Variants in LRRC7 observed in about 807,000 individuals in gnomAD.
LRRC7 encodes leucine rich repeat containing 7.
A neutral mutation model predicts 175.7 loss-of-function variants in LRRC7; 23 were observed. The observed-to-expected ratio is 0.13, with a 90% CI of 0.09 to 0.19. LRRC7 has a LOEUF of 0.19. Among genes scored for constraint, LRRC7 ranks in the 10% least tolerant of loss-of-function variants. The pLI is 1.00. For synonymous variants in LRRC7, 685 were observed against 680.9 expected (o/e 1.01, Z -0.09); for missense variants, 1,354 against 1,904.7 (o/e 0.71, Z 5.38).
intron 8 of LRRC7, among the ~76,000 whole-genome samples, chr1:69,935,301 T>C (rs1647886830): frequency 6.6e-6 from 1 of 152,166 alleles, no homozygotes; most frequent in Non-Finnish European, 1.5e-5. Flanking sequence ...TCCTGTGCTA[T>C]TCAAGCAGGT....
At chr1:69,904,210 C>A (rs1298797012) in intron 7 of LRRC7, among the ~76,000 whole-genome samples, 1 of 152,018 alleles carries the variant, frequency 6.6e-6, no homozygotes, top group Non-Finnish European at 1.5e-5. Flanking sequence ...GAGTCATAAA[C>A]AAGTTGAGTC....
At chr1:70,075,034 C>T (rs552476883) in intron 23 of LRRC7, among the ~76,000 whole-genome samples, 1 of 152,260 alleles carries the variant, frequency 6.6e-6, no homozygotes, top group African/African-American at 2.4e-5. Flanking sequence ...GAATTCAAGT[C>T]ACCTATCCTT....
chr1:69,702,075 C>A (rs1041041053), intron 2 of LRRC7, among the ~76,000 whole-genome samples: 1 of 152,156 alleles, frequency 6.6e-6, no homozygotes. Context: ...AGTTTGAACA[C>A]CTTCTAGTCA....
intron 2 of LRRC7, among the ~76,000 whole-genome samples, chr1:69,725,282 T>C (rs1003424726): frequency 4.6e-5 from 7 of 152,110 alleles, no homozygotes; most frequent in African/African-American, 1.7e-4. Context: ...GAGGTTGCTC[T>C]TTCCATCTTG....
chr1:69,638,354 G>A (rs139369432), intron 1 of LRRC7, among the ~76,000 whole-genome samples: 114 of 151,850 alleles, frequency 7.5e-4, no homozygotes, highest in Middle Eastern at 3.4e-3. Context: ...TGTTTGATAC[G>A]TCATGATCAA....
chr1:69,760,041 T>C lies in LRRC7; in HGVS notation c.101-150T>C, dbSNP rs1003072190. 1.0e-5 allele frequency: 8 copies of C among 780,906 alleles called. No individual in the cohort carries two copies. In the Admixed American group the frequency reaches 2.1e-4, roughly 20 times the overall value. The allele number at this position is 780,906 out of a possible 1,614,324, so 48.4% of individuals were successfully genotyped here. Reference sequence around the variant, plus strand: ...CGTACTTCGCAGGGCTGTTTAAGGATTTAATGATACAATGCGTGTGTGTGT... The same window carrying C: ...CGTACTTCGCAGGGCTGTTTAAGGACTTAATGATACAATGCGTGTGTGTGT... On this transcript the variant is annotated intron_variant, in intron 2 of 26. Coordinates refer to ENST00000651989, the MANE Select transcript of LRRC7 (RefSeq NM_001370785.2).
At chr1:69,710,124 A>C (rs2100729956) in intron 2 of LRRC7, among the ~76,000 whole-genome samples, 1 of 151,892 alleles carries the variant, frequency 6.6e-6, no homozygotes, top group South Asian at 2.1e-4. Flanking sequence ...AAAAATACAA[A>C]AAAATTAGCC....
chr1:69,685,816 T>C (rs1196273826), intron 2 of LRRC7, among the ~76,000 whole-genome samples: 1 of 151,590 alleles, frequency 6.6e-6, no homozygotes, highest in Non-Finnish European at 1.5e-5. Context: ...TTTGAAGAAG[T>C]AATGGTTGCA....
intron 1 of LRRC7, among the ~76,000 whole-genome samples, chr1:69,596,423 A>C (rs1178060482): frequency 6.6e-6 from 1 of 152,142 alleles, no homozygotes; most frequent in African/African-American, 2.4e-5. Flanking sequence ...TAAATCTGAT[A>C]ATACTTATTT....
At chr1:69,833,693 G>C (rs1680791993) in intron 5 of LRRC7, among the ~76,000 whole-genome samples, 1 of 151,958 alleles carries the variant, frequency 6.6e-6, no homozygotes, top group South Asian at 2.1e-4. Flanking sequence ...GAGAGAACAA[G>C]CAGTGATGGC....
chr1:69,905,407 C>T lies in LRRC7; in HGVS notation c.648-26100C>T, dbSNP rs564134440. ...TATCTCCTAATGCTATCCCTCCCCG[C>T]TCCCACCACCCCACAACAGTCCCCA... On this transcript the variant is annotated intron_variant, in intron 7 of 26. Transcript: ENST00000651989. 5.7e-4 allele frequency among the ~76,000 whole-genome samples: 87 copies of T among 152,184 alleles called. 1 individual carries two copies. The highest frequency in any genetic ancestry group is 9.4e-4 in the Non-Finnish European group (64 of 68,012).
intron 7 of LRRC7, among the ~76,000 whole-genome samples, chr1:69,880,872 A>G (rs1209924691): frequency 6.6e-6 from 1 of 152,230 alleles, no homozygotes; most frequent in African/African-American, 2.4e-5. Flanking sequence ...CAGAAAAAAA[A>G]GACACAGCCA....
intron 2 of LRRC7, among the ~76,000 whole-genome samples, chr1:69,724,783 G>A (rs1226838229): frequency 6.6e-6 from 1 of 152,110 alleles, no homozygotes; most frequent in South Asian, 2.1e-4. Flanking sequence ...ACAATTTTGT[G>A]GTTATTGAAT....
At chr1:69,580,652 A>G (rs1646159903) in intron 1 of LRRC7, among the ~76,000 whole-genome samples, 2 of 152,176 alleles carry the variant, frequency 1.3e-5, no homozygotes, top group Non-Finnish European at 2.9e-5. Flanking sequence ...TTTCAGTTTA[A>G]TAAATTTTAC....
chr1:69,764,386 A>T (rs907820077), intron 3 of LRRC7, among the ~76,000 whole-genome samples: 1 of 151,974 alleles, frequency 6.6e-6, no homozygotes, highest in Non-Finnish European at 1.5e-5. Context: ...GATTATAATT[A>T]ATTTTGGAAA....
At chr1:69,969,344 G>A (rs1020552419) in intron 8 of LRRC7, among the ~76,000 whole-genome samples, 1 of 152,088 alleles carries the variant, frequency 6.6e-6, no homozygotes, top group Non-Finnish European at 1.5e-5. Context: ...ATTGTAGAAT[G>A]GATAAGAATT....
chr1:70,143,197 G>C lies in LRRC7; in HGVS notation c.*21310G>C, dbSNP rs1371411504. The C allele has an allele frequency of 6.7e-6, 1 of 149,418 alleles. No homozygotes were observed. The highest frequency in any genetic ancestry group is 1.5e-5 in the Non-Finnish European group (1 of 67,476). The allele number at this position is 149,418 out of a possible 1,614,324, so 9.3% of individuals were successfully genotyped here. On this transcript the variant is annotated 3_prime_UTR_variant, in exon 27 of 27. Coordinates refer to ENST00000651989, the MANE Select transcript of LRRC7 (RefSeq NM_001370785.2). ...ATTTTAGTAAAATGAAGAGTCTCTA[G>C]ACTTTTTTTTTTTTTTTAATGATCT...
At chr1:69,725,223 G>T (rs1666817008) in intron 2 of LRRC7, among the ~76,000 whole-genome samples, 1 of 152,104 alleles carries the variant, frequency 6.6e-6, no homozygotes, top group African/African-American at 2.4e-5. Flanking sequence ...CATCATAAAG[G>T]TCTTCATCCT....
At chr1:69,781,737 G>A (rs12035730) in intron 3 of LRRC7, among the ~76,000 whole-genome samples, 487 of 28,708 alleles carry the variant, frequency 0.017, 16 homozygotes, top group African/African-American at 0.036. Flanking sequence ...GAAAGAAAGA[G>A]AGAGAGAGAG....
Sources: gnomAD v4.1 joint callset for allele counts (sites outside exome capture counted in the v4.1 genomes callset) on GRCh38, gnomAD v4.1.1 for gene constraint, MANE v1.5 for transcripts, NCBI Gene and HGNC (gene_info 2026-07-23, HGNC 2026-07-21) for gene names.